The following DPF3 variants were observed in gnomAD, a reference collection of about 807,000 sequenced individuals.
DPF3 encodes the protein double PHD fingers 3, also known as zinc finger protein DPF3.
A neutral mutation model predicts 56.8 loss-of-function variants in DPF3; 18 were observed. The ratio of observed to expected loss-of-function variants is 0.32; its 90% CI spans 0.22 to 0.47. DPF3 has a LOEUF of 0.47. Ranked by LOEUF, DPF3 falls within the 20% of genes least tolerant of loss-of-function variation. DPF3 has a pLI of 1.00. For missense variants in DPF3, 403 were observed against 488.8 expected (o/e 0.82, Z 1.65); for synonymous variants, 188 against 180.2 (o/e 1.04, Z -0.35).
chr14:72,725,333 C>T (rs569337359), intron 4 of DPF3, among the ~76,000 whole-genome samples: 3 of 152,170 alleles, frequency 2.0e-5, no homozygotes, highest in African/African-American at 7.2e-5. Flanking sequence ...AGGGAGTTTT[C>T]CCTAATCCAA....
chr14:72,868,267 A>G (rs979542164), intron 1 of DPF3, among the ~76,000 whole-genome samples: 1 of 152,166 alleles, frequency 6.6e-6, no homozygotes, highest in Non-Finnish European at 1.5e-5. Flanking sequence ...CACCAACTCC[A>G]TCACTTTGTA....
intron 7 of DPF3, among the ~76,000 whole-genome samples, chr14:72,692,858 G>A (rs956976932): frequency 1.3e-5 from 2 of 152,146 alleles, no homozygotes. Context: ...GCAGAGCAGG[G>A]TGTGTGAGCC....
At chr14:72,754,884 A>T (rs1414448539) in intron 2 of DPF3, among the ~76,000 whole-genome samples, 1 of 152,212 alleles carries the variant, frequency 6.6e-6, no homozygotes. Flanking sequence ...CACAGGTCAC[A>T]AGATTGTGAA....
intron 1 of DPF3, among the ~76,000 whole-genome samples, chr14:72,788,246 C>T (rs987060546): frequency 4.6e-5 from 7 of 152,124 alleles, no homozygotes; most frequent in African/African-American, 1.2e-4. Context: ...CCTACTGGAC[C>T]ACAGGATGCA....
At chr14:72,850,536 TC>T (rs1474859649) in intron 1 of DPF3, among the ~76,000 whole-genome samples, 1 of 152,152 alleles carries the variant, frequency 6.6e-6, no homozygotes, top group Non-Finnish European at 1.5e-5. Context: ...CTCCCAGATG[TC>T]CCCGCCCCTG....
At chr14:72,619,838 G>C in intron 10 of DPF3, 65 bp downstream of exon 10, 1 of 1,404,880 alleles carries the variant, frequency 7.1e-7, no homozygotes, top group Non-Finnish European at 9.5e-7. Flanking sequence ...CATAGTGAGA[G>C]CTCAGTAAGT....
At chr14:72,857,135 A>G (rs1351404521) in intron 1 of DPF3, among the ~76,000 whole-genome samples, 3 of 152,176 alleles carry the variant, frequency 2.0e-5, no homozygotes, top group Non-Finnish European at 4.4e-5. Flanking sequence ...CAGAGTTTCT[A>G]TTTGAAGAGC....
intron 2 of DPF3, among the ~76,000 whole-genome samples, chr14:72,755,549 C>A (rs1304979267): frequency 6.6e-6 from 1 of 152,154 alleles, no homozygotes; most frequent in Non-Finnish European, 1.5e-5. Context: ...AACATTAATA[C>A]CTACCTCCTG....
intron 1 of DPF3, among the ~76,000 whole-genome samples, chr14:72,791,273 C>T (rs563934209): frequency 2.2e-4 from 33 of 152,372 alleles, no homozygotes; most frequent in African/African-American, 7.5e-4. Flanking sequence ...GCCTCTCGGA[C>T]ATATGAGTGC....
At chr14:72,670,024 A>G (rs1222413151) in intron 8 of DPF3, 10 of 985,946 alleles carry the variant, frequency 1.0e-5, no homozygotes, top group Non-Finnish European at 1.2e-5. Context: ...CCATCGCCCC[A>G]GGGGCCTTGA....
chr14:72,880,762 C>T (rs1293062379), intron 1 of DPF3, among the ~76,000 whole-genome samples: 2 of 152,254 alleles, frequency 1.3e-5, no homozygotes, highest in East Asian at 1.9e-4. Context: ...CAGGCTGGCT[C>T]GAACTCCTGG....
At chr14:72,760,329 G>C (rs372043206) in intron 2 of DPF3, among the ~76,000 whole-genome samples, 47 of 152,222 alleles carry the variant, frequency 3.1e-4, no homozygotes, top group African/African-American at 1.1e-3. Context: ...AAATTAGCCA[G>C]GCATGGTGGC....
chr14:72,691,075 G>C (rs1203229364), intron 7 of DPF3, among the ~76,000 whole-genome samples: 1 of 152,194 alleles, frequency 6.6e-6, no homozygotes, highest in Non-Finnish European at 1.5e-5. Flanking sequence ...TCTTCCCAGA[G>C]AGAAGACCTC....
chr14:72,818,557 G>A lies in DPF3; in HGVS notation c.33-46664C>T, dbSNP rs79820836. ...CCAGGTGTGGTGGCTCATGCCTGCC[G>A]TCCCAGCTACATCGCAGGCTGAGGC... is the stretch of plus-strand genomic sequence containing the variant. On this transcript the variant is annotated intron_variant, in intron 1 of 10. Coordinates refer to ENST00000556509, the MANE Select transcript of DPF3 (RefSeq NM_001280542.3). Among the ~76,000 whole-genome samples, 279 of 152,248 alleles carry A rather than the reference G, an allele frequency of 1.8e-3. 1 individual carries two copies. The highest frequency in any genetic ancestry group is 6.2e-3 in the African/African-American group (256 of 41,542).
At chr14:72,786,178 G>A (rs182015056) in intron 1 of DPF3, among the ~76,000 whole-genome samples, 26 of 152,062 alleles carry the variant, frequency 1.7e-4, no homozygotes, top group Non-Finnish European at 3.5e-4. Context: ...CAGGAGAATC[G>A]CTTAAACCCG....
intron 2 of DPF3, among the ~76,000 whole-genome samples, chr14:72,755,171 AAAC>A (rs1358255145): frequency 2.6e-5 from 4 of 152,168 alleles, no homozygotes; most frequent in African/African-American, 7.2e-5. Context: ...CAACCTAATC[AAAC>A]ACAGGTAAGT....
At position 72,613,697 on chromosome 14, in the gene DPF3, G is replaced by A. The variant is rs751852696; in HGVS notation, c.*5600C>T. ...ACTTCCAAATCTTTCCCCTCATGCA[G>A]GGAGTTCCCTGTTCCTTCTAGAAAA... On this transcript the variant is annotated 3_prime_UTR_variant, in exon 11 of 11. Coordinates refer to ENST00000556509, the MANE Select transcript of DPF3 (RefSeq NM_001280542.3). Among the ~76,000 whole-genome samples, 1 of 152,200 alleles carries A rather than the reference G, an allele frequency of 6.6e-6. No homozygotes were observed. The highest frequency in any genetic ancestry group is 1.5e-5 in the Non-Finnish European group (1 of 68,026).
intron 1 of DPF3, among the ~76,000 whole-genome samples, chr14:72,773,160 T>C (rs796349263): frequency 2.6e-4 from 37 of 140,624 alleles, no homozygotes; most frequent in African/African-American, 9.6e-4. Flanking sequence ...TGAGATGGAG[T>C]CTCACTCCGT....
At chr14:72,670,479 G>T in intron 8 of DPF3, 3 of 986,044 alleles carry the variant, frequency 3.0e-6, no homozygotes, top group Non-Finnish European at 3.6e-6. Flanking sequence ...AGAGGAAGAT[G>T]GAAAGGTCAG....
Sources: gnomAD v4.1 joint callset for allele counts (sites outside exome capture counted in the v4.1 genomes callset) on GRCh38, gnomAD v4.1.1 for gene constraint, MANE v1.5 for transcripts, NCBI Gene and HGNC (gene_info 2026-07-23, HGNC 2026-07-21) for gene names.